The following GRM1 variants were observed in gnomAD, a reference collection of about 807,000 sequenced individuals.
GRM1 encodes the protein glutamate metabotropic receptor 1.
Under a neutral mutation model 90.9 loss-of-function variants are expected in GRM1, and 33 were observed. The ratio of observed to expected loss-of-function variants is 0.36; its 90% CI spans 0.28 to 0.49. GRM1 has a LOEUF of 0.49. Among genes scored for constraint, GRM1 ranks in the 20% least tolerant of loss-of-function variants. The pLI is 0.99. For synonymous variants in GRM1, 700 were observed against 613.2 expected (o/e 1.14, Z -2.09); for missense variants, 1,190 against 1,534.3 (o/e 0.78, Z 3.75).
chr6:146,136,554 T>A (rs1192211738), intron 1 of GRM1, among the ~76,000 whole-genome samples: 6 of 152,224 alleles, frequency 3.9e-5, no homozygotes, highest in Non-Finnish European at 7.3e-5. Flanking sequence ...CAGATACCTG[T>A]TTACTATTTG....
At chr6:146,219,807 A>G (rs915806821) in intron 2 of GRM1, among the ~76,000 whole-genome samples, 1 of 152,162 alleles carries the variant, frequency 6.6e-6, no homozygotes, top group Non-Finnish European at 1.5e-5. Flanking sequence ...TTGGGGAAGA[A>G]TAAAGCTAAG....
intron 2 of GRM1, among the ~76,000 whole-genome samples, chr6:146,220,282 G>A (rs56226702): frequency 6.6e-6 from 1 of 152,028 alleles, no homozygotes. Flanking sequence ...TGAGATGTAC[G>A]ATTAACTAAA....
At chr6:146,349,250 T>TA (rs1211838972) in intron 3 of GRM1, among the ~76,000 whole-genome samples, 2 of 150,400 alleles carry the variant, frequency 1.3e-5, no homozygotes, top group East Asian at 2.0e-4. Context: ...TTTTTTATTT[T>TA]TTTTTTATTT....
intron 7 of GRM1, among the ~76,000 whole-genome samples, chr6:146,417,911 T>C (rs1161876975): frequency 6.6e-6 from 1 of 152,200 alleles, no homozygotes; most frequent in Non-Finnish European, 1.5e-5. Context: ...AAAGTCTCTC[T>C]GGAAGCACAG....
At chr6:146,359,513 G>T (rs867773513) in intron 5 of GRM1, among the ~76,000 whole-genome samples, 1 of 152,178 alleles carries the variant, frequency 6.6e-6, no homozygotes, top group Middle Eastern at 3.2e-3. Context: ...GTTCAGTTTT[G>T]CAGGTTATAT....
At chr6:146,105,845 T>G (rs750499801) in intron 1 of GRM1, among the ~76,000 whole-genome samples, 20 of 152,258 alleles carry the variant, frequency 1.3e-4, no homozygotes, top group Admixed American at 5.2e-4. Flanking sequence ...TTTGACAGAT[T>G]GGGACTCCAC....
intron 1 of GRM1, among the ~76,000 whole-genome samples, chr6:146,086,117 C>T (rs536141947): frequency 1.2e-4 from 18 of 152,100 alleles, no homozygotes; most frequent in African/African-American, 4.3e-4. Context: ...TTGAAAGGAG[C>T]CCACACATAA....
At chr6:146,414,684 G>C (rs1777709400) in intron 7 of GRM1, among the ~76,000 whole-genome samples, 1 of 152,210 alleles carries the variant, frequency 6.6e-6, no homozygotes, top group Admixed American at 6.5e-5. Flanking sequence ...TTACAGGTGT[G>C]AGCCACCACA....
chr6:146,354,590 G>C (rs189597661), intron 4 of GRM1, among the ~76,000 whole-genome samples: 1 of 151,916 alleles, frequency 6.6e-6, no homozygotes, highest in Non-Finnish European at 1.5e-5. Context: ...ATATCCTTCT[G>C]CTTGCAATTG....
chr6:146,321,306 T>G (rs2114970156), intron 3 of GRM1, among the ~76,000 whole-genome samples: 1 of 152,302 alleles, frequency 6.6e-6, no homozygotes, highest in Admixed American at 6.5e-5. Flanking sequence ...TAATCCTGAG[T>G]TCTAATTTGA....
At chr6:146,243,904 G>A (rs1262356029) in intron 2 of GRM1, among the ~76,000 whole-genome samples, 2 of 152,068 alleles carry the variant, frequency 1.3e-5, no homozygotes, top group Non-Finnish European at 2.9e-5. Flanking sequence ...CCTCCTGCTA[G>A]GAACACACTC....
chr6:146,359,095 A>T (rs369591473), intron 5 of GRM1, among the ~76,000 whole-genome samples: 1 of 152,154 alleles, frequency 6.6e-6, no homozygotes, highest in East Asian at 1.9e-4. Flanking sequence ...GGAGACATGG[A>T]GACACTGCTA....
At chr6:146,360,767 A>G (rs1056484391) in intron 5 of GRM1, among the ~76,000 whole-genome samples, 2 of 152,208 alleles carry the variant, frequency 1.3e-5, no homozygotes, top group Non-Finnish European at 2.9e-5. Flanking sequence ...GAACTTTACC[A>G]ACTATGCAAG....
intron 1 of GRM1, among the ~76,000 whole-genome samples, chr6:146,083,434 T>TA (rs879130031): frequency 1.3e-5 from 2 of 152,232 alleles, no homozygotes; most frequent in Non-Finnish European, 2.9e-5. Context: ...TGAGAGTTTT[T>TA]AACATGAAGG....
At chr6:146,038,583 G>A (rs1790978575) in intron 1 of GRM1, among the ~76,000 whole-genome samples, 1 of 151,954 alleles carries the variant, frequency 6.6e-6, no homozygotes, top group South Asian at 2.1e-4. Flanking sequence ...CTGTGGTGGA[G>A]ATGTGAAAAT....
chr6:146,341,980 T>C (rs1784997727), intron 3 of GRM1, among the ~76,000 whole-genome samples: 1 of 152,192 alleles, frequency 6.6e-6, no homozygotes, highest in South Asian at 2.1e-4. Flanking sequence ...ACCTTTTTTG[T>C]GTATTTACCC....
intron 2 of GRM1, among the ~76,000 whole-genome samples, chr6:146,270,776 C>T (rs759263915): frequency 2.1e-4 from 32 of 152,104 alleles, no homozygotes; most frequent in Non-Finnish European, 3.4e-4. Context: ...CTCCTAATTG[C>T]AGAGTTTTTA....
At chr6:146,388,903 G>A (rs1776607999) in intron 6 of GRM1, among the ~76,000 whole-genome samples, 2 of 152,038 alleles carry the variant, frequency 1.3e-5, no homozygotes, top group South Asian at 4.1e-4. Context: ...CAATGCAGTT[G>A]GTTAATAGAA....
At chr6:146,314,300 T>C (rs1783885798) in intron 3 of GRM1, among the ~76,000 whole-genome samples, 2 of 151,842 alleles carry the variant, frequency 1.3e-5, no homozygotes, top group African/African-American at 4.8e-5. Context: ...GATCTCGAAC[T>C]CCTGACCTCA....
Sources: gnomAD v4.1 joint callset for allele counts (sites outside exome capture counted in the v4.1 genomes callset) on GRCh38, gnomAD v4.1.1 for gene constraint, MANE v1.5 for transcripts, NCBI Gene and HGNC (gene_info 2026-07-23, HGNC 2026-07-21) for gene names.